KIF26B: variants seen among roughly 807,000 people sequenced by gnomAD.
The protein encoded by KIF26B is kinesin family member 26B.
A neutral mutation model predicts 151.2 loss-of-function variants in KIF26B; 63 were observed. That is an observed-to-expected ratio of 0.42 (90% CI 0.34 to 0.51). The LOEUF is 0.51. Among genes scored for constraint, KIF26B ranks in the 20% least tolerant of loss-of-function variants. KIF26B has a pLI of 0.07. For synonymous variants in KIF26B, 1,357 were observed against 1,262.1 expected (o/e 1.08, Z -1.59); for missense variants, 2,813 against 2,913.6 (o/e 0.97, Z 0.79).
At chr1:245,360,774 G>A (rs966373083) in intron 2 of KIF26B, among the ~76,000 whole-genome samples, 1 of 152,232 alleles carries the variant, frequency 6.6e-6, no homozygotes, top group Non-Finnish European at 1.5e-5. Flanking sequence ...AACTTTGGGA[G>A]GCTGAGGTGG....
At chr1:245,476,026 C>T (rs779240523) in intron 4 of KIF26B, among the ~76,000 whole-genome samples, 3 of 151,828 alleles carry the variant, frequency 2.0e-5, no homozygotes, top group Admixed American at 2.0e-4. Flanking sequence ...ATCCCTGATG[C>T]ATGAATAAAC....
At chr1:245,588,161 G>A (rs892384590) in intron 5 of KIF26B, among the ~76,000 whole-genome samples, 2 of 152,120 alleles carry the variant, frequency 1.3e-5, no homozygotes, top group Admixed American at 6.5e-5. Context: ...GAGGCTTTTT[G>A]TTTAATGCTT....
intron 4 of KIF26B, among the ~76,000 whole-genome samples, chr1:245,435,777 C>G (rs1000994178): frequency 6.6e-6 from 1 of 152,194 alleles, no homozygotes; most frequent in Non-Finnish European, 1.5e-5. Context: ...GCTGCCCACC[C>G]TAGGTCCGAG....
At chr1:245,401,802 G>A (rs1057196788) in intron 3 of KIF26B, among the ~76,000 whole-genome samples, 4 of 152,102 alleles carry the variant, frequency 2.6e-5, no homozygotes, top group Non-Finnish European at 5.9e-5. Flanking sequence ...CTCGGGAGGC[G>A]GAGGTTGCAG....
intron 2 of KIF26B, among the ~76,000 whole-genome samples, chr1:245,249,246 G>T (rs1670394142): frequency 6.6e-6 from 1 of 151,918 alleles, no homozygotes; most frequent in Non-Finnish European, 1.5e-5. Context: ...ACAGGTGTGT[G>T]CCACCATGCC....
At chr1:245,542,926 T>G (rs1661658008) in intron 5 of KIF26B, among the ~76,000 whole-genome samples, 1 of 152,150 alleles carries the variant, frequency 6.6e-6, no homozygotes, top group African/African-American at 2.4e-5. Context: ...CCAGTTCTCT[T>G]CTGAATAAGT....
chr1:245,584,342 A>G (rs1160141308), intron 5 of KIF26B, among the ~76,000 whole-genome samples: 1 of 146,292 alleles, frequency 6.8e-6, no homozygotes, highest in Non-Finnish European at 1.5e-5. Flanking sequence ...TTCTTTATAA[A>G]TACCCAGACT....
At chr1:245,370,042 T>G (rs1673074743) in intron 3 of KIF26B, among the ~76,000 whole-genome samples, 1 of 152,202 alleles carries the variant, frequency 6.6e-6, no homozygotes, top group African/African-American at 2.4e-5. Flanking sequence ...TTATCAAAAG[T>G]AACATATTTG....
At chr1:245,615,718 A>G (rs980291310) in intron 9 of KIF26B, among the ~76,000 whole-genome samples, 3 of 152,248 alleles carry the variant, frequency 2.0e-5, no homozygotes, top group African/African-American at 7.2e-5. Flanking sequence ...GGATGAGAAC[A>G]AAGAAGGGGA....
At chr1:245,619,359 T>G (rs925204625) in intron 9 of KIF26B, among the ~76,000 whole-genome samples, 7 of 152,250 alleles carry the variant, frequency 4.6e-5, no homozygotes, top group Non-Finnish European at 8.8e-5. Flanking sequence ...AATGATTCTC[T>G]GCTCTCGAAC....
At chr1:245,337,553 TG>T (rs1672259878) in intron 2 of KIF26B, among the ~76,000 whole-genome samples, 1 of 142,688 alleles carries the variant, frequency 7.0e-6, no homozygotes, top group Admixed American at 7.2e-5. Context: ...TGTGTGTGTG[TG>T]TGCACCCGTG....
chr1:245,420,188 T>G (rs1658451463), intron 4 of KIF26B, among the ~76,000 whole-genome samples: 1 of 152,224 alleles, frequency 6.6e-6, no homozygotes, highest in African/African-American at 2.4e-5. Flanking sequence ...TAAAAGCTAT[T>G]AAATAGATGG....
At chr1:245,489,241 C>G (rs1488600298) in intron 4 of KIF26B, among the ~76,000 whole-genome samples, 10 of 152,210 alleles carry the variant, frequency 6.6e-5, no homozygotes, top group Admixed American at 5.9e-4. Context: ...AAGGAGAACT[C>G]AGACATCCTT....
chr1:245,297,692 A>T (rs1284563766), intron 2 of KIF26B, among the ~76,000 whole-genome samples: 1 of 152,222 alleles, frequency 6.6e-6, no homozygotes, highest in Non-Finnish European at 1.5e-5. Flanking sequence ...TTAGTCCTTT[A>T]TCAAACATTT....
In KIF26B at chr1:245,239,175, A is replaced by G. The variant is rs2941287; in HGVS notation, c.465+82492A>G. 0.49 allele frequency among the ~76,000 whole-genome samples: 75,125 copies of G among 152,072 alleles called. 21,916 individuals are homozygous for G. Among genetic ancestry groups the G allele is most frequent in the Non-Finnish European group, 0.64 (43,741 of 67,990 alleles). ...CCAGGACATTTAGTGGAAGATGGAC[A>G]TGGGCAGGAGTTAACGCGTCCTCCA... is the stretch of plus-strand genomic sequence containing the variant. On this transcript the variant is annotated intron_variant, in intron 2 of 14. Coordinates refer to ENST00000407071, the MANE Select transcript of KIF26B (RefSeq NM_018012.4). The surrounding 1 kb of genome is among the most constrained non-coding windows in gnomAD (Gnocchi z 4.3).
At chr1:245,699,822 C>T (rs1441911277) in intron 14 of KIF26B, among the ~76,000 whole-genome samples, 1 of 152,236 alleles carries the variant, frequency 6.6e-6, no homozygotes, top group Non-Finnish European at 1.5e-5. Flanking sequence ...CTCCCCTGCA[C>T]TGCCCCAACC....
chr1:245,306,239 T>A (rs1671537531), intron 2 of KIF26B, among the ~76,000 whole-genome samples: 1 of 152,178 alleles, frequency 6.6e-6, no homozygotes, highest in Admixed American at 6.5e-5. Context: ...GAAGTGTGGT[T>A]CATTCATTGA....
At position 245,686,421 on chromosome 1, in the gene KIF26B, G is replaced by A; in HGVS notation, c.3438G>A (p.Gly1146=). The stretch of plus-strand genomic sequence containing the variant: ...AATCCATGTCTGCTGGGAGCGAAGG[G>A]TTCCCGGAAACTCCTGTCGATGATG... ...LKKSMSAGSE[G]FPETPVDDEQ... is the part of the protein sequence containing the mutation. The change falls in exon 12 of 15, where the codon GGG becomes GGA. Residue 1146 remains glycine (G), a synonymous_variant. Transcript: ENST00000407071. The surrounding 1 kb of genome is among the most constrained non-coding windows in gnomAD (Gnocchi z 5.6). The A allele has an allele frequency of 6.2e-7, 1 of 1,613,468 alleles. No homozygotes were observed. The highest frequency in any genetic ancestry group is 8.5e-7 in the Non-Finnish European group (1 of 1,179,906).
Position 245,365,885 on chromosome 1 carries a change from A to G in KIF26B, c.466-949A>G, listed in dbSNP as rs115935011. On this transcript the variant is annotated intron_variant, in intron 2 of 14. Transcript: ENST00000407071. ...AAGGTCACAAGTGGCAGAACTGGAA[A>G]CTATCTGATACTCAACGAACACTCC... Among the ~76,000 whole-genome samples the G allele has an allele frequency of 2.8e-3, 427 of 152,298 alleles. 3 individuals carry two copies. The highest frequency in any genetic ancestry group is 4.7e-3 in the Non-Finnish European group (319 of 68,022).
Sources: allele counts gnomAD v4.1 joint callset (sites outside exome capture counted in the v4.1 genomes callset), GRCh38; gene constraint gnomAD v4.1.1; non-coding constraint Gnocchi (gnomAD v3.1); transcripts MANE v1.5; gene names NCBI Gene and HGNC (gene_info 2026-07-23, HGNC 2026-07-21).